Variants in TEDC1 observed in about 807,000 individuals in gnomAD.
The protein encoded by TEDC1 is tubulin epsilon and delta complex 1.
Under a neutral mutation model 59.9 loss-of-function variants are expected in TEDC1, and 54 were observed. The ratio of observed to expected loss-of-function variants is 0.90; its 90% confidence interval spans 0.72 to 1.13. The LOEUF is 1.13. Ranked by LOEUF, TEDC1 falls within the 50% of genes most tolerant of loss-of-function variation. The pLI is 0.00. For missense variants in TEDC1, 734 were observed against 683.4 expected (o/e 1.07, Z -0.83); for synonymous variants, 353 against 298.1 (o/e 1.18, Z -1.90).
chr14:105,498,830 C>T lies in TEDC1; in HGVS notation c.1372C>T (p.Gln458Ter), dbSNP rs369976314. 3 of 1,607,480 alleles carry T rather than the reference C, an allele frequency of 1.9e-6. No homozygotes were observed. Among genetic ancestry groups the T allele is most frequent in the African/African-American group, 2.7e-5 (2 of 74,888 alleles). The change falls in exon 9 of 9, where the codon CAG becomes TAG. Residue 458 changes from glutamine (Q) to a stop codon, truncating the protein, a stop_gained. Transcript: ENST00000392523. LOFTEE classifies it high-confidence loss of function. ...TGTGGTGATCAGGACGCTGAGGAGC[C>T]AGGAGGCCTGCCTGGAGGCGGTGCT... ...AAVVIRTLRSQEACLEAVLRR... is the reference protein window; with the variant it reads ...AAVVIRTLRS
intron 7 of TEDC1, 124 bp downstream of exon 7, chr14:105,497,567 G>A (rs1339232514): frequency 2.4e-6 from 3 of 1,250,614 alleles, no homozygotes; most frequent in Admixed American, 5.2e-5. Context: ...CAGACCTAGT[G>A]TAGGCTCTTT....
intron 5 of TEDC1, 91 bp from the exon 6 acceptor site, chr14:105,495,789 G>C: frequency 3.7e-6 from 4 of 1,074,186 alleles, no homozygotes; most frequent in East Asian, 2.6e-5. Flanking sequence ...TGGTGGGCTG[G>C]GGGGGCCTGG....
At chr14:105,494,280 A>C in intron 5 of TEDC1, 1 of 348,010 alleles carries the variant, frequency 2.9e-6, no homozygotes, top group Non-Finnish European at 5.5e-6. Context: ...TGGCATCTCA[A>C]GCAGGTCTCA....
At chr14:105,496,135 TGGG>T in intron 6 of TEDC1, 49 bp downstream of exon 6, 1 of 33,492 alleles carries the variant, frequency 3.0e-5, no homozygotes, top group East Asian at 2.7e-4. Flanking sequence ...GACTTGGGGG[TGGG>T]TGGGAGGGGG....
At position 105,493,848 on chromosome 14, in the gene TEDC1, C is replaced by T; in HGVS notation, c.599C>T (p.Thr200Ile). ...TACCTGTTTTAGATCCACCTGTACA[C>T]ACGCGGCTGCCACAGCGACCAGAGC... is the stretch of plus-strand genomic sequence containing the variant. The part of the protein sequence containing the change: ...CALLSKIHLY[T>I]RGCHSDQSLS... Residue 200 changes from threonine to isoleucine, a missense_variant, in exon 5 of 9, where the codon ACA becomes ATA. By Grantham distance (89) the Thr-to-Ile change is moderately conservative. Transcript: ENST00000392523. 2 of 1,607,252 alleles carry T rather than the reference C, an allele frequency of 1.2e-6. No individual in the cohort carries two copies. The highest frequency in any genetic ancestry group is 1.7e-6 in the Non-Finnish European group (2 of 1,179,484).
chr14:105,491,652 G>C lies in TEDC1; in HGVS notation c.178G>C (p.Val60Leu), dbSNP rs782231587. The change falls in exon 2 of 9, where the codon GTG becomes CTG. Residue 60 changes from valine to leucine, a missense_variant. Transcript: ENST00000392523. ...TSALWQLLFR[V>L]LSPLPAGNAL... is the part of the protein sequence containing the mutation. ...CGCGCTCTGGCAGCTCCTCTTCCGT[G>C]TGCTCTCGCCACTCCCTGCGGGCAA... The C allele has an allele frequency of 1.3e-6, 2 of 1,549,712 alleles. No homozygotes were observed. The highest frequency in any genetic ancestry group is 1.2e-5 in the South Asian group (1 of 84,068).
intron 8 of TEDC1, among the ~76,000 whole-genome samples, chr14:105,498,292 C>T (rs182504773): frequency 9.2e-5 from 14 of 152,326 alleles, no homozygotes; most frequent in Admixed American, 5.9e-4. Context: ...AGTCACTCCT[C>T]CACACCTGCC....
At chr14:105,498,004 C>T (rs1290319496) in intron 8 of TEDC1, 27 bp downstream of exon 8, 3 of 1,482,904 alleles carry the variant, frequency 2.0e-6, no homozygotes, top group Admixed American at 4.4e-5. Flanking sequence ...CTCTGGGCAC[C>T]AGCCCAGCCC....
At position 105,492,318 on chromosome 14, in the gene TEDC1, G is replaced by A; in HGVS notation, c.429+9G>A. 1 of 1,600,138 alleles carries A rather than the reference G, an allele frequency of 6.2e-7. No homozygotes were observed. The highest frequency in any genetic ancestry group is 1.1e-5 in the South Asian group (1 of 90,954). On this transcript the variant is annotated intron_variant, in intron 3 of 8. Transcript: ENST00000392523. ...AGATGACTGTGTGCCAGGTGCGTGT[G>A]GGTGAGGGTGAGCTGAGCCAGCCCT...
intron 4 of TEDC1, among the ~76,000 whole-genome samples, chr14:105,493,450 C>T (rs1443013258): frequency 3.9e-5 from 6 of 152,164 alleles, no homozygotes; most frequent in African/African-American, 1.2e-4. Context: ...TTCCCCATTT[C>T]CCTAGATCCA....
chr14:105,494,230 G>A, intron 5 of TEDC1: 1 of 485,472 alleles, frequency 2.1e-6, no homozygotes, highest in South Asian at 2.1e-5. Context: ...CAGGCTGTTG[G>A]AATAAAGGAA....
At chr14:105,497,752 C>T (rs782024173) in intron 7 of TEDC1, 46 bp from the exon 8 acceptor site, 15 of 1,483,976 alleles carry the variant, frequency 1.0e-5, no homozygotes, top group Non-Finnish European at 1.3e-5. Flanking sequence ...CTCTGTCCCT[C>T]TGTCCCCTTG....
At chr14:105,497,487 G>A (rs1555440685) in intron 7 of TEDC1, 44 bp downstream of exon 7, 3 of 1,529,998 alleles carry the variant, frequency 2.0e-6, no homozygotes, top group East Asian at 2.4e-5. Flanking sequence ...CCTTCCCACA[G>A]CAGCCCCCAG....
At chr14:105,496,149 T>TGGGG in intron 6 of TEDC1, 63 bp downstream of exon 6, 1 of 81,276 alleles carries the variant, frequency 1.2e-5, no homozygotes, top group South Asian at 3.6e-4. Context: ...TGGGAGGGGG[T>TGGGG]GGCGAGGGGG....
intron 5 of TEDC1, chr14:105,494,169 G>T: frequency 1.7e-6 from 1 of 577,694 alleles, no homozygotes; most frequent in East Asian, 2.9e-5. Context: ...CGTGGCACGG[G>T]TGGGGGCCCA....
upstream of TEDC1, chr14:105,491,105 G>C (rs372852732): frequency 8.4e-6 from 13 of 1,551,368 alleles, no homozygotes; most frequent in Non-Finnish European, 2.6e-6. Context: ...TTGGATGCAT[G>C]TCCGGCCAGC....
chr14:105,493,679 C>T (rs1351548339), intron 4 of TEDC1, among the ~76,000 whole-genome samples, 156 bp from the exon 5 acceptor site: 1 of 152,118 alleles, frequency 6.6e-6, no homozygotes, highest in Non-Finnish European at 1.5e-5. Flanking sequence ...CCAGCCCAGC[C>T]CCGCCAACCT....
upstream of TEDC1, chr14:105,490,599 C>A (rs2084184138): frequency 6.5e-6 from 1 of 152,962 alleles, no homozygotes; most frequent in Non-Finnish European, 1.5e-5. Flanking sequence ...AGCGCTGCCG[C>A]GGGCGGGCGA....
chr14:105,496,146 G>GGGGGGGGGGGGGGGGGGGGGGCCCCCCC, intron 6 of TEDC1, 60 bp downstream of exon 6: 1 of 331,608 alleles, frequency 3.0e-6, no homozygotes, highest in Non-Finnish European at 5.9e-6. Flanking sequence ...GGGTGGGAGG[G>GGGGGGGGGGGGGGGGGGGGGGCCCCCCC]GGTGGCGAGG....
Sources: gnomAD v4.1 joint callset for allele counts (sites outside exome capture counted in the v4.1 genomes callset) on GRCh38, gnomAD v4.1.1 for gene constraint, MANE v1.5 for transcripts, NCBI Gene and HGNC (gene_info 2026-07-23, HGNC 2026-07-21) for gene names.